TMPRSS11F: variants seen among roughly 807,000 people sequenced by gnomAD.
TMPRSS11F encodes the protein transmembrane protease serine 11F.
TMPRSS11F carries 47 observed loss-of-function variants against 60.2 expected under a neutral mutation model. That is an observed-to-expected ratio of 0.78 (90% CI 0.62 to 1.00). The LOEUF is 1.00. TMPRSS11F is among the 50% of genes least tolerant of loss of function. The pLI is 0.00. For synonymous variants in TMPRSS11F, 166 were observed against 167.3 expected (o/e 0.99, Z 0.06); for missense variants, 519 against 522.9 (o/e 0.99, Z 0.07).
rs747376953 is a variant in TMPRSS11F, at chr4:68,062,807, A to G, written c.1015+1878T>C. The G allele has an allele frequency of 5.1e-5, 38 of 752,214 alleles. No homozygotes were observed. The Admixed American group carries it at 6.3e-4, about 12-fold the overall frequency. The allele number at this position is 752,214 out of a possible 1,614,324, so 46.6% of individuals were successfully genotyped here. A position where few individuals can be genotyped will look rare whatever the true frequency, so the allele number is the denominator to read the frequency against. ...GCGGATGGATATCTTGCATTTGGAC[A>G]TCTCTTGATCCGTGGATTTCCGTAG... On this transcript the variant is annotated intron_variant, in intron 8 of 9. Transcript: ENST00000356291.
At position 68,120,406 on chromosome 4, in the gene TMPRSS11F, T is replaced by TTTTTTG. The variant is rs1724602118; in HGVS notation, c.11+9403_11+9404insCAAAAA. ...TTTTTTTTTTTTTTTTTTTTTTTTTTGAGACGGAGTCTCGCTCTGTCGCCC... is the reference window on the plus strand; with the variant it reads ...TTTTTTTTTTTTTTTTTTTTTTTTTTTTTTTGGAGACGGAGTCTCGCTCTGTCGCCC... On this transcript the variant is annotated intron_variant, in intron 1 of 9. Coordinates refer to ENST00000356291, the MANE Select transcript of TMPRSS11F (RefSeq NM_207407.2). 1.4e-4 allele frequency among the ~76,000 whole-genome samples: 10 copies of TTTTTTG among 73,116 alleles called. No individual in the cohort carries two copies. The South Asian group carries it at 4.9e-3, about 36-fold the overall frequency. The allele number at this position is 73,116 out of a possible 152,430, so 48.0% of individuals were successfully genotyped here.
In TMPRSS11F at chr4:68,094,597, A is replaced by C. The variant is rs537224707; in HGVS notation, c.164-3956T>G. Among the ~76,000 whole-genome samples, 87 of 151,450 alleles carry C rather than the reference A, an allele frequency of 5.7e-4. No individual in the cohort carries two copies. The Middle Eastern group carries it at 0.017, about 30-fold the overall frequency. ...AAATAAATAAATAAATAAATAAATAAAATCAAGGTATGCTTGGCTCTTGGG... is the reference window on the plus strand; with the variant it reads ...AAATAAATAAATAAATAAATAAATACAATCAAGGTATGCTTGGCTCTTGGG... On this transcript the variant is annotated intron_variant, in intron 2 of 9. Coordinates refer to ENST00000356291, the MANE Select transcript of TMPRSS11F (RefSeq NM_207407.2).
chr4:68,098,081 G>A (rs1724108130), intron 2 of TMPRSS11F, among the ~76,000 whole-genome samples: 1 of 152,090 alleles, frequency 6.6e-6, no homozygotes, highest in Non-Finnish European at 1.5e-5. Context: ...GGGTCGAGTG[G>A]ATCACCTAAG....
intron 7 of TMPRSS11F, among the ~76,000 whole-genome samples, chr4:68,065,650 G>A (rs986382350): frequency 1.1e-4 from 17 of 151,916 alleles, no homozygotes; most frequent in African/African-American, 2.4e-5. Context: ...TCCAAAGCCT[G>A]GTTCTTTCTT....
intron 7 of TMPRSS11F, among the ~76,000 whole-genome samples, chr4:68,066,726 G>A (rs1723336334): frequency 6.6e-6 from 1 of 152,116 alleles, no homozygotes; most frequent in East Asian, 1.9e-4. Context: ...ATGAGGTCGG[G>A]AGATCGAGAC....
intron 1 of TMPRSS11F, among the ~76,000 whole-genome samples, chr4:68,123,629 TG>T (rs1686382005): frequency 6.6e-6 from 1 of 152,288 alleles, no homozygotes; most frequent in South Asian, 2.1e-4. Context: ...AAGTATAATC[TG>T]GGCCTACTAA....
intron 2 of TMPRSS11F, among the ~76,000 whole-genome samples, chr4:68,094,509 C>G (rs986235759): frequency 6.8e-6 from 1 of 147,544 alleles, no homozygotes; most frequent in Non-Finnish European, 1.5e-5. Flanking sequence ...TGTAACTAAC[C>G]TGCACATTGT....
chr4:68,124,945 A>ATTTTTTTTTTTTTT (rs370189875), intron 1 of TMPRSS11F, among the ~76,000 whole-genome samples: 1 of 94,112 alleles, frequency 1.1e-5, no homozygotes, highest in Admixed American at 1.5e-4. Flanking sequence ...CTAAACCAGC[A>ATTTTTTTTTTTTTT]TTTTTTTTTT....
rs370648148 is a variant in TMPRSS11F, at chr4:68,087,441, A to G, written c.282+3082T>C. Among the ~76,000 whole-genome samples, 76 of 152,310 alleles carry G rather than the reference A, an allele frequency of 5.0e-4. 2 individuals carry two copies. The South Asian group carries it at 0.013, about 26-fold the overall frequency. On this transcript the variant is annotated intron_variant, in intron 3 of 9. Transcript: ENST00000356291. ...GCAAAAGCTGGAACCATTCCCCTTG[A>G]GAACTGGTACAAAACAAGGATGCCA... is the stretch of plus-strand genomic sequence containing the variant.
intron 1 of TMPRSS11F, among the ~76,000 whole-genome samples, chr4:68,128,064 T>C (rs1161534396): frequency 6.6e-6 from 1 of 152,096 alleles, no homozygotes; most frequent in Admixed American, 6.6e-5. Context: ...ATCTAAATGA[T>C]GGTACTCTTT....
At chr4:68,098,026 G>A (rs549565185) in intron 2 of TMPRSS11F, among the ~76,000 whole-genome samples, 18 of 152,132 alleles carry the variant, frequency 1.2e-4, no homozygotes, top group Admixed American at 3.3e-4. Context: ...AGAAATCGGC[G>A]GGGCATGGTG....
rs753773178 is a variant in TMPRSS11F, at chr4:68,090,617, G to T, written c.188C>A (p.Ala63Asp). ...VEDDKSFYYL[A>D]SFKVTNIKYK... The stretch of plus-strand genomic sequence containing the variant: ...TTTGATATTTGTGACTTTAAAAGAG[G>T]CAAGGTAATAGAAAGACTTATCATC... The change falls in exon 3 of 10, where the codon GCC (alanine) becomes GAC (aspartate). Residue 63 changes from alanine (A) to aspartate (D), a missense_variant. Ala to Asp is a moderately radical substitution (Grantham distance 126, BLOSUM62 -2). Coordinates refer to ENST00000356291, the MANE Select transcript of TMPRSS11F (RefSeq NM_207407.2). The T allele has an allele frequency of 4.4e-6, 7 of 1,599,370 alleles. No individual in the cohort carries two copies. The highest frequency in any genetic ancestry group is 6.0e-6 in the Non-Finnish European group (7 of 1,171,768).
chr4:68,054,028 T>C lies in TMPRSS11F; in HGVS notation c.1198A>G (p.Ile400Val). 1 of 1,613,458 alleles carries C rather than the reference T, an allele frequency of 6.2e-7. No individual in the cohort carries two copies. The change falls in exon 10 of 10, where the codon ATC becomes GTC. Residue 400 changes from isoleucine (I) to valine (V), a missense_variant. Ile to Val is a conservative substitution (Grantham distance 29, BLOSUM62 3). Transcript: ENST00000356291. ...GGPLVYDNHD[I>V]WYIVGIVSWG... ...CTTACTATACCTACAATGTACCAGA[T>C]GTCATGATTATCATAAACCAGAGGT...
At chr4:68,096,290 A>C (rs1577927277) in intron 2 of TMPRSS11F, among the ~76,000 whole-genome samples, 1 of 152,370 alleles carries the variant, frequency 6.6e-6, no homozygotes, top group East Asian at 1.9e-4. Context: ...ATAATCAATA[A>C]GAATCCAAAT....
At chr4:68,120,538 G>A (rs1043163560) in intron 1 of TMPRSS11F, among the ~76,000 whole-genome samples, 11 of 151,230 alleles carry the variant, frequency 7.3e-5, no homozygotes, top group African/African-American at 2.7e-4. Flanking sequence ...ACAGGCGCCC[G>A]CCACTACGCC....
chr4:68,121,036 G>A (rs1164497506), intron 1 of TMPRSS11F, among the ~76,000 whole-genome samples: 1 of 152,172 alleles, frequency 6.6e-6, no homozygotes, highest in Non-Finnish European at 1.5e-5. Flanking sequence ...TATTGCAGTG[G>A]TCTGGAATAG....
chr4:68,124,314 G>A (rs191467728), intron 1 of TMPRSS11F, among the ~76,000 whole-genome samples: 100 of 152,016 alleles, frequency 6.6e-4, no homozygotes, highest in Non-Finnish European at 1.0e-3. Context: ...TTTGAGCTCA[G>A]GAGCTCAAGA....
chr4:68,055,060 C>T (rs1241463396), intron 9 of TMPRSS11F, among the ~76,000 whole-genome samples: 1 of 152,074 alleles, frequency 6.6e-6, no homozygotes, highest in East Asian at 1.9e-4. Flanking sequence ...GTGTTATAGG[C>T]AGAGGGAACA....
intron 1 of TMPRSS11F, among the ~76,000 whole-genome samples, chr4:68,117,388 ACCC>A: frequency 7.0e-6 from 1 of 143,732 alleles, no homozygotes; most frequent in East Asian, 2.1e-4. Flanking sequence ...AATGGAGTGA[ACCC>A]TGGGTGGCAG....
Sources: gnomAD v4.1 joint callset for allele counts (sites outside exome capture counted in the v4.1 genomes callset) on GRCh38, gnomAD v4.1.1 for gene constraint, MANE v1.5 for transcripts, NCBI Gene and HGNC (gene_info 2026-07-23, HGNC 2026-07-21) for gene names.